MYO9B: variants seen among roughly 807,000 people sequenced by gnomAD.
MYO9B encodes the protein myosin IXB.
MYO9B carries 71 observed loss-of-function variants against 229.5 expected under a neutral mutation model. The observed-to-expected ratio is 0.31, with a 90% CI of 0.26 to 0.38. The LOEUF is 0.38. Among genes scored for constraint, MYO9B ranks in the 10% least tolerant of loss-of-function variants. The pLI is 1.00. For synonymous variants in MYO9B, 1,185 were observed against 1,235.8 expected, an observed-to-expected ratio of 0.96 and a Z score of 0.86; for missense variants, 2,255 against 2,920.5, an observed-to-expected ratio of 0.77 and a Z score of 5.25.
intron 14 of MYO9B, among the ~76,000 whole-genome samples, chr19:17,179,077 C>G (rs1192227246): frequency 6.6e-6 from 1 of 151,298 alleles, no homozygotes; most frequent in Non-Finnish European, 1.5e-5. Flanking sequence ...AGCACTGTGC[C>G]AGATCATTCT....
chr19:17,081,044 C>T (rs1269447185), intron 1 of MYO9B, among the ~76,000 whole-genome samples: 2 of 151,924 alleles, frequency 1.3e-5, no homozygotes, highest in South Asian at 2.1e-4. Context: ...ATTTTGGGGG[C>T]GGGGGCAGAG....
At position 17,091,103 on chromosome 19, in the gene MYO9B, A is replaced by G. The variant is rs550729075; in HGVS notation, c.-58-10557A>G. Among the ~76,000 whole-genome samples, 24 of 152,366 alleles carry G rather than the reference A, an allele frequency of 1.6e-4. No homozygotes were observed. In the South Asian group the frequency reaches 4.6e-3, roughly 29 times the overall value. On this transcript the variant is annotated intron_variant, in intron 1 of 39. Transcript: ENST00000682292. ...CCTCAGCAGCCCAGAGGCGGACCAC[A>G]TGTATAAAATAACGCCATGTGTAGT...
At chr19:17,141,706 C>T (rs2072342198) in intron 2 of MYO9B, among the ~76,000 whole-genome samples, 1 of 152,188 alleles carries the variant, frequency 6.6e-6, no homozygotes, top group South Asian at 2.1e-4. Flanking sequence ...GTAAGTCCCT[C>T]ATGGGAAGGG....
intron 21 of MYO9B, among the ~76,000 whole-genome samples, chr19:17,194,172 A>AAAAATAAAAC (rs2073015584): frequency 6.7e-6 from 1 of 148,410 alleles, no homozygotes; most frequent in East Asian, 2.0e-4. Context: ...ACTCTGTCTC[A>AAAAATAAAAC]AAAATAAAAT....
At chr19:17,199,393 GA>G in intron 24 of MYO9B, among the ~76,000 whole-genome samples, 1 of 152,174 alleles carries the variant, frequency 6.6e-6, no homozygotes, top group East Asian at 1.9e-4. Context: ...AAAAAGAAAA[GA>G]AAATGGAGTC....
At position 17,184,010 on chromosome 19, in the gene MYO9B, C is replaced by A; in HGVS notation, c.2373+142C>A. On this transcript the variant is annotated intron_variant, in intron 16 of 39. Coordinates refer to ENST00000682292, the MANE Select transcript of MYO9B (RefSeq NM_004145.4). ...CCCTCCAAGAAAAAAAAAATGTTCT[C>A]GTGTTGAGATGATTTAGAGCTGTCT... The A allele has an allele frequency of 3.6e-6, 3 of 840,702 alleles. No homozygotes were observed. In the South Asian group the frequency reaches 5.2e-5, roughly 15 times the overall value. 52.1% of individuals were successfully genotyped at this position (840,702 alleles called of 1,614,324 possible).
rs1472321958 is a variant in MYO9B at position 17,090,130 on chromosome 19, T to C, written c.-58-11530T>C. Among the ~76,000 whole-genome samples, 131 of 21,868 alleles carry C rather than the reference T, an allele frequency of 6.0e-3. 2 individuals are homozygous for C. The highest frequency in any genetic ancestry group is 9.0e-3 in the South Asian group (3 of 334). 14.3% of individuals were successfully genotyped at this position (21,868 alleles called of 152,430 possible). On this transcript the variant is annotated intron_variant, in intron 1 of 39. Transcript: ENST00000682292. ...CGGTGCTTCCTTCCTTTTTTTTTTT[T>C]TTTTTTTTTTTTTTTTTTTTTTTTT...
At chr19:17,163,607 A>G (rs146037647) in intron 10 of MYO9B, among the ~76,000 whole-genome samples, 1 of 152,120 alleles carries the variant, frequency 6.6e-6, no homozygotes, top group East Asian at 1.9e-4. Flanking sequence ...AGCTCAGGCA[A>G]TCTGCTCACC....
At chr19:17,189,839 G>A (rs909540223) in intron 19 of MYO9B, among the ~76,000 whole-genome samples, 2 of 151,672 alleles carry the variant, frequency 1.3e-5, no homozygotes, top group African/African-American at 4.8e-5. Context: ...TGAGGCGGGC[G>A]GATCACGAGG....
chr19:17,149,257 G>T (rs1168847796), intron 3 of MYO9B, among the ~76,000 whole-genome samples: 1 of 152,290 alleles, frequency 6.6e-6, no homozygotes, highest in East Asian at 1.9e-4. Flanking sequence ...GGGATTACAG[G>T]CATGAGCCAC....
rs996063062 is a variant in MYO9B, at chr19:17,193,498, C to T, written c.3128+436C>T. ...CCCAGCCCCTCCCCGACCTAGGCAC[C>T]CTGTTCACCTCTCCCCTGCCCACAC... is the stretch of plus-strand genomic sequence containing the variant. On this transcript the variant is annotated intron_variant, in intron 21 of 39. Coordinates refer to ENST00000682292, the MANE Select transcript of MYO9B (RefSeq NM_004145.4). The surrounding 1 kb of genome is among the most constrained non-coding windows in gnomAD (Gnocchi z 4.3). Among the ~76,000 whole-genome samples, 3 of 152,152 alleles carry T rather than the reference C, an allele frequency of 2.0e-5. No individual in the cohort carries two copies. Among genetic ancestry groups the T allele is most frequent in the East Asian group, 3.9e-4 (2 of 5,188 alleles).
At chr19:17,161,293 C>G (rs111471288) in intron 8 of MYO9B, among the ~76,000 whole-genome samples, 176 of 152,112 alleles carry the variant, frequency 1.2e-3, no homozygotes, top group African/African-American at 4.1e-3. Flanking sequence ...AGCGGCCGTT[C>G]CAGAGGCTAC....
chr19:17,134,601 G>C lies in MYO9B; in HGVS notation c.841-10796G>C, dbSNP rs1170408457. Among the ~76,000 whole-genome samples the C allele has an allele frequency of 9.9e-5, 15 of 151,540 alleles. 1 individual carries two copies. The highest frequency in any genetic ancestry group is 3.6e-4 in the African/African-American group (15 of 41,326). ...AGATGAGATTTTACCACGTTAACCA[G>C]GTTGGTGTCGAACTGACCTCAAGTG... On this transcript the variant is annotated intron_variant, in intron 2 of 39. Coordinates refer to ENST00000682292, the MANE Select transcript of MYO9B (RefSeq NM_004145.4).
intron 8 of MYO9B, among the ~76,000 whole-genome samples, chr19:17,160,508 T>TCC (rs2072586656): frequency 8.1e-6 from 1 of 123,070 alleles, no homozygotes; most frequent in African/African-American, 4.0e-5. Flanking sequence ...CTTCTTTTTT[T>TCC]TCTTTTTTTT....
chr19:17,092,595 G>A (rs2057648127), intron 1 of MYO9B, among the ~76,000 whole-genome samples: 6 of 152,012 alleles, frequency 3.9e-5, no homozygotes, highest in Admixed American at 3.9e-4. Context: ...ACGTGGTGAT[G>A]CACGCCTATA....
intron 11 of MYO9B, 131 bp downstream of exon 11, chr19:17,168,195 C>G: frequency 3.2e-6 from 4 of 1,256,170 alleles, no homozygotes; most frequent in South Asian, 1.4e-5. Context: ...GACAGGGTCT[C>G]ACTCTGTCAC....
rs1350811203 is a variant in MYO9B, at chr19:17,192,922, G to C, written c.2988G>C (p.Arg996=). 6.5e-7 allele frequency: 1 copy of C among 1,549,200 alleles called. No individual in the cohort carries two copies. The highest frequency in any genetic ancestry group is 1.2e-5 in the South Asian group (1 of 84,024). ...IQACWRSYRV[R]RALERTQAAV... ...CCTGCTGGCGGTCCTACCGGGTCCG[G>C]AGGGCGCTGGAGAGGACGCAGGCTG... The change falls in exon 21 of 40, where the codon CGG becomes CGC. Residue 996 remains arginine (R), a synonymous_variant. Coordinates refer to ENST00000682292, the MANE Select transcript of MYO9B (RefSeq NM_004145.4).
chr19:17,210,018 A>C (rs1482709976), intron 36 of MYO9B, among the ~76,000 whole-genome samples: 3 of 152,032 alleles, frequency 2.0e-5, no homozygotes, highest in Non-Finnish European at 4.4e-5. Context: ...ACGAAAGACG[A>C]TGGTCCTCGC....
In MYO9B at chr19:17,089,482, C is replaced by T. The variant is rs541207281; in HGVS notation, c.-58-12178C>T. On this transcript the variant is annotated intron_variant, in intron 1 of 39. Coordinates refer to ENST00000682292, the MANE Select transcript of MYO9B (RefSeq NM_004145.4). ...CGCCACACTTTCTGGAGGCCCCGTCCGGAGGCCTTTATTCTCCAGTAAATT... is the reference window on the plus strand; with the variant it reads ...CGCCACACTTTCTGGAGGCCCCGTCTGGAGGCCTTTATTCTCCAGTAAATT... 2.4e-3 allele frequency among the ~76,000 whole-genome samples: 367 copies of T among 152,276 alleles called. 3 individuals are homozygous for T. The highest frequency in any genetic ancestry group is 0.01 in the Middle Eastern group (3 of 294).
Sources: allele counts gnomAD v4.1 joint callset (sites outside exome capture counted in the v4.1 genomes callset), GRCh38; gene constraint gnomAD v4.1.1; non-coding constraint Gnocchi (gnomAD v3.1); transcripts MANE v1.5; gene names NCBI Gene and HGNC (gene_info 2026-07-23, HGNC 2026-07-21).